The following ZFHX3 variants were observed in gnomAD, a reference collection of about 807,000 sequenced individuals.
ZFHX3 encodes zinc finger homeobox protein 3.
A neutral mutation model predicts 279.1 loss-of-function variants in ZFHX3; 42 were observed. That is an observed-to-expected ratio of 0.15 (90% CI 0.12 to 0.19). The LOEUF (loss-of-function observed/expected upper bound fraction) is 0.19, where lower values mean the gene tolerates loss of function less well. Among genes scored for constraint, ZFHX3 ranks in the 10% least tolerant of loss-of-function variants. The pLI is 1.00. For synonymous variants in ZFHX3, 2,293 were observed against 1,957.8 expected (o/e 1.17, Z -4.52); for missense variants, 4,981 against 4,754.0 (o/e 1.05, Z -1.40).
chr16:73,507,943 A>G (rs967246707), intron 2 of ZFHX3, among the ~76,000 whole-genome samples: 1 of 152,236 alleles, frequency 6.6e-6, no homozygotes, highest in Non-Finnish European at 1.5e-5. Flanking sequence ...GACATAAAAG[A>G]TGCTTAACAA....
rs888255782 is a variant in ZFHX3 at position 73,550,564 on chromosome 16, G to A, written c.-1546-94306C>T. 3.3e-5 allele frequency among the ~76,000 whole-genome samples: 5 copies of A among 152,270 alleles called. No homozygotes were observed. In the South Asian group the frequency reaches 6.2e-4, roughly 19 times the overall value. On this transcript the variant is annotated intron_variant, in intron 2 of 17. Transcript: ENST00000641206. Reference sequence around the variant, plus strand: ...GTCAAAGGGAGAAAAACAAGCCACCGTGATCCTTCGCAAAGTTTTTCAACA... The same window carrying A: ...GTCAAAGGGAGAAAAACAAGCCACCATGATCCTTCGCAAAGTTTTTCAACA...
chr16:73,835,807 G>T (rs1450739600), intron 1 of ZFHX3, among the ~76,000 whole-genome samples: 1 of 152,004 alleles, frequency 6.6e-6, no homozygotes, highest in Non-Finnish European at 1.5e-5. Context: ...AGAGAAAAAA[G>T]AAAATTACAC....
chr16:73,750,965 G>A (rs1414384869), intron 1 of ZFHX3, among the ~76,000 whole-genome samples: 1 of 152,180 alleles, frequency 6.6e-6, no homozygotes, highest in Non-Finnish European at 1.5e-5. Context: ...CCAAAATGGG[G>A]CCTAGAGGTC....
At chr16:73,160,354 C>G (rs575869731) in intron 5 of ZFHX3, among the ~76,000 whole-genome samples, 12 of 152,296 alleles carry the variant, frequency 7.9e-5, no homozygotes, top group African/African-American at 2.9e-4. Flanking sequence ...ATGAGTCTTC[C>G]TGAGTAGGGA....
chr16:73,313,009 T>A (rs1387045656), intron 4 of ZFHX3, among the ~76,000 whole-genome samples: 2 of 152,178 alleles, frequency 1.3e-5, no homozygotes, highest in Non-Finnish European at 2.9e-5. Context: ...TCATGTTGAA[T>A]TGTCATCCCC....
chr16:73,245,418 A>G (rs1027258694), intron 5 of ZFHX3, among the ~76,000 whole-genome samples: 4 of 152,184 alleles, frequency 2.6e-5, no homozygotes, highest in Non-Finnish European at 4.4e-5. Flanking sequence ...TACAGGCATG[A>G]ACCACTGCAT....
At chr16:73,779,067 G>A (rs1959359404) in intron 1 of ZFHX3, among the ~76,000 whole-genome samples, 1 of 152,196 alleles carries the variant, frequency 6.6e-6, no homozygotes, top group African/African-American at 2.4e-5. Context: ...GGGTGGTCCA[G>A]ATGGAAGCCC....
chr16:73,091,501 C>T lies in ZFHX3; in HGVS notation c.-533+1734G>A, dbSNP rs1054973978. Among the ~76,000 whole-genome samples the T allele has an allele frequency of 3.3e-5, 5 of 152,304 alleles. 1 individual carries two copies. The highest frequency in any genetic ancestry group is 3.3e-4 in the Admixed American group (5 of 15,294). On this transcript the variant is annotated intron_variant, in intron 8 of 17. Coordinates refer to the ZFHX3 transcript ENST00000641206. The stretch of plus-strand genomic sequence containing the variant: ...CTGTGCTGGCGACACTTCTGCAGAG[C>T]TGGCCAGCAGTAGCCTGAGGTTGGC...
At position 73,138,393 on chromosome 16, in the gene ZFHX3, C is replaced by T. The variant is rs541607962; in HGVS notation, c.-1024+5359G>A. Among the ~76,000 whole-genome samples, 396 of 152,172 alleles carry T rather than the reference C, an allele frequency of 2.6e-3. 2 individuals are homozygous for T. Among genetic ancestry groups the T allele is most frequent in the African/African-American group, 8.5e-3 (352 of 41,540 alleles). Reference sequence around the variant, plus strand: ...AGAGGAGATGGAATCTACCCGCTGACGGTCAGAGGGTCAGGGGATGAAGAC... The same window carrying T: ...AGAGGAGATGGAATCTACCCGCTGATGGTCAGAGGGTCAGGGGATGAAGAC... On this transcript the variant is annotated intron_variant, in intron 6 of 17. Transcript: ENST00000641206.
chr16:73,861,448 G>C (rs141866312), intron 1 of ZFHX3, among the ~76,000 whole-genome samples: 3 of 152,092 alleles, frequency 2.0e-5, no homozygotes, highest in African/African-American at 7.2e-5. Flanking sequence ...GGTGATTTCC[G>C]TGTACAAATA....
At chr16:72,940,082 T>A (rs896773244) in intron 3 of ZFHX3, among the ~76,000 whole-genome samples, 8 of 152,220 alleles carry the variant, frequency 5.3e-5, no homozygotes, top group South Asian at 4.2e-4. Flanking sequence ...GCTAATTTTT[T>A]AAATTTTTTT....
intron 7 of ZFHX3, chr16:73,093,824 C>T (rs62052380): frequency 0.1 from 27,230 of 272,330 alleles, 1,757 homozygotes; most frequent in Middle Eastern, 0.17. Flanking sequence ...ATTTATTTTT[C>T]TGGAAGCGAG....
intron 6 of ZFHX3, among the ~76,000 whole-genome samples, chr16:73,136,114 C>T (rs1225112553): frequency 6.6e-6 from 1 of 152,172 alleles, no homozygotes; most frequent in Admixed American, 6.5e-5. Flanking sequence ...CCTCGGCCTC[C>T]TAAAGTGCTG....
At chr16:73,161,128 A>G (rs1967226030) in intron 5 of ZFHX3, among the ~76,000 whole-genome samples, 2 of 152,016 alleles carry the variant, frequency 1.3e-5, no homozygotes, top group African/African-American at 2.4e-5. Flanking sequence ...GCCCGGCACC[A>G]TGCCTGGCTA....
chr16:73,229,989 A>C (rs2012722872), intron 5 of ZFHX3, among the ~76,000 whole-genome samples: 1 of 152,222 alleles, frequency 6.6e-6, no homozygotes, highest in Admixed American at 6.5e-5. Context: ...TGGATTAATG[A>C]ATAGATAGAA....
intron 3 of ZFHX3, among the ~76,000 whole-genome samples, chr16:73,426,271 G>C (rs750718998): frequency 6.6e-6 from 1 of 152,196 alleles, no homozygotes; most frequent in Non-Finnish European, 1.5e-5. Context: ...GAGTCAGGGA[G>C]GACAAAGCTT....
chr16:73,786,807 T>C (rs1361747286), intron 1 of ZFHX3, among the ~76,000 whole-genome samples: 1 of 152,042 alleles, frequency 6.6e-6, no homozygotes, highest in African/African-American at 2.4e-5. Context: ...GAGGATCGAC[T>C]GTCTTTTATG....
At chr16:72,957,293 G>T (rs1961294702) in intron 2 of ZFHX3, 134 bp downstream of exon 2, 3 of 1,008,966 alleles carry the variant, frequency 3.0e-6, no homozygotes, top group African/African-American at 3.2e-5. Context: ...TTGATTGTAA[G>T]ACACTCCAGT....
intron 3 of ZFHX3, among the ~76,000 whole-genome samples, chr16:73,345,621 T>G (rs891574106): frequency 6.6e-6 from 1 of 152,214 alleles, no homozygotes; most frequent in Non-Finnish European, 1.5e-5. Context: ...GTACCACATT[T>G]TCTTTATCCG....
Sources: allele counts gnomAD v4.1 joint callset (sites outside exome capture counted in the v4.1 genomes callset), GRCh38; gene constraint gnomAD v4.1.1; transcripts MANE v1.5; gene names NCBI Gene and HGNC (gene_info 2026-07-23, HGNC 2026-07-21).